Variants in CWC22 observed in about 807,000 individuals in gnomAD.
The protein encoded by CWC22 is pre-mRNA-splicing factor CWC22 homolog.
CWC22 carries 53 observed loss-of-function variants against 117.2 expected under a neutral mutation model. That is an observed-to-expected ratio of 0.45 (90% CI 0.36 to 0.57). The LOEUF is 0.57. Ranked by LOEUF, CWC22 falls within the 20% of genes least tolerant of loss-of-function variation. The pLI, the probability that CWC22 is intolerant of heterozygous loss-of-function variation, is 0.00. For missense variants in CWC22, 980 were observed against 1,068.8 expected (o/e 0.92, Z 1.16); for synonymous variants, 360 against 355.6 (o/e 1.01, Z -0.14).
chr2:179,954,137 C>A, intron 16 of CWC22, 68 bp downstream of exon 16: 1 of 1,224,228 alleles, frequency 8.2e-7, no homozygotes. Context: ...ATATGGCTAG[C>A]TTATACGAAA....
Position 179,981,799 on chromosome 2 carries a change from G to C in CWC22, c.405C>G (p.Pro135=). ...LLTRTGGAYI[P]PAKLRMMQEQ... Reference sequence around the variant, plus strand: ...CCTGCATCATCCTGAGCTTTGCAGGGGGAATATATGCTCCACCAGTGCGAG... The same window carrying C: ...CCTGCATCATCCTGAGCTTTGCAGGCGGAATATATGCTCCACCAGTGCGAG... The change falls in exon 5 of 20, where the codon CCC becomes CCG. Residue 135 remains proline, a synonymous_variant. Coordinates refer to ENST00000410053, the MANE Select transcript of CWC22 (RefSeq NM_020943.3). The C allele has an allele frequency of 1.9e-6, 3 of 1,613,846 alleles. No homozygotes were observed. Among genetic ancestry groups the C allele is most frequent in the Non-Finnish European group, 2.5e-6 (3 of 1,179,856 alleles).
chr2:179,991,841 T>C (rs1045647744), intron 2 of CWC22, among the ~76,000 whole-genome samples: 2 of 152,046 alleles, frequency 1.3e-5, no homozygotes, highest in Non-Finnish European at 2.9e-5. Flanking sequence ...TTGAGAACAA[T>C]ATACAAGGGT....
At position 179,945,266 on chromosome 2, in the gene CWC22, A is replaced by G; in HGVS notation, c.2590T>C (p.Ser864Pro). Residue 864 changes from serine to proline, a missense_variant, in exon 20 of 20, where the codon TCA becomes CCA. By Grantham distance (74) the Ser-to-Pro change is moderately conservative (BLOSUM62 -1). This residue lies in a region of CWC22 where 306 missense variants were observed against 296.8 expected (regional missense o/e 1.03). Coordinates refer to ENST00000410053, the MANE Select transcript of CWC22 (RefSeq NM_020943.3). ...TGATATCTATCTTCATCACTTCTTGAGCCTGAGTGCTTTCTATTCATTTCC... is the reference window on the plus strand; with the variant it reads ...TGATATCTATCTTCATCACTTCTTGGGCCTGAGTGCTTTCTATTCATTTCC... ...SKEMNRKHSG[S>P]RSDEDRYQNG... The G allele has an allele frequency of 1.9e-6, 3 of 1,613,586 alleles. No homozygotes were observed. Among genetic ancestry groups the G allele is most frequent in the South Asian group, 1.1e-5 (1 of 91,058 alleles).
Position 179,975,030 on chromosome 2 carries a change from A to G in CWC22, c.582-1228T>C, listed in dbSNP as rs1575649231. Among the ~76,000 whole-genome samples, 10 of 152,304 alleles carry G rather than the reference A, an allele frequency of 6.6e-5. 1 individual carries two copies. In the South Asian group the frequency reaches 2.1e-3, roughly 32 times the overall value. The stretch of plus-strand genomic sequence containing the variant: ...TGCTAGGATTACAGGCTAGGATTAC[A>G]GCGACCGTGCCTGGCCACTACATTC... On this transcript the variant is annotated intron_variant, in intron 6 of 19. Coordinates refer to ENST00000410053, the MANE Select transcript of CWC22 (RefSeq NM_020943.3).
chr2:179,992,477 T>A (rs1328491532), intron 2 of CWC22, among the ~76,000 whole-genome samples: 1 of 152,168 alleles, frequency 6.6e-6, no homozygotes, highest in African/African-American at 2.4e-5. Context: ...AATGGCTATC[T>A]TTTCAATGGG....
intron 11 of CWC22, among the ~76,000 whole-genome samples, chr2:179,968,788 G>A (rs139809714): frequency 0.018 from 2,774 of 151,758 alleles, 94 homozygotes; most frequent in African/African-American, 0.063. Flanking sequence ...GACTAGTCTC[G>A]AACTCCTGAC....
chr2:179,998,295 A>G (rs1232955359), intron 1 of CWC22, among the ~76,000 whole-genome samples: 1 of 152,176 alleles, frequency 6.6e-6, no homozygotes, highest in African/African-American at 2.4e-5. Context: ...TTAATTCTTA[A>G]TAATTCATAG....
At chr2:179,954,415 A>T in intron 15 of CWC22, 58 bp from the exon 16 acceptor site, 1 of 1,066,046 alleles carries the variant, frequency 9.4e-7, no homozygotes, top group Non-Finnish European at 1.3e-6. Context: ...TTATGAGCAT[A>T]TTAAATCCTA....
At chr2:179,975,963 A>G (rs1387722931) in intron 6 of CWC22, among the ~76,000 whole-genome samples, 1 of 152,224 alleles carries the variant, frequency 6.6e-6, no homozygotes, top group East Asian at 1.9e-4. Flanking sequence ...TCTTGAACAA[A>G]AAGAACAAAG....
In CWC22 at chr2:179,973,256, A is replaced by G. The variant is rs187951443; in HGVS notation, c.751-10T>C. 50 of 1,589,092 alleles carry G rather than the reference A, an allele frequency of 3.1e-5. No individual in the cohort carries two copies. In the African/African-American group the frequency reaches 5.9e-4, roughly 19 times the overall value. On this transcript the variant is annotated splice_polypyrimidine_tract_variant and intron_variant, in intron 7 of 19. Transcript: ENST00000410053. ...CAGTCAGGCAAAGTTGCTGAAAAAT[A>G]AAGGTGGAAAGTTAACCTATAAACT...
intron 11 of CWC22, among the ~76,000 whole-genome samples, chr2:179,967,002 T>C (rs1686907898): frequency 6.6e-6 from 1 of 152,194 alleles, no homozygotes; most frequent in South Asian, 2.1e-4. Context: ...TCAAGAATAT[T>C]TCAAACAAAT....
At position 179,954,310 on chromosome 2, in the gene CWC22, T is replaced by C. The variant is rs1238981744; in HGVS notation, c.1584A>G (p.Ile528Met). Residue 528 changes from isoleucine (I) to methionine (M), a missense_variant, in exon 16 of 20, where the codon ATA becomes ATG. This residue lies in a region of CWC22 where 115 missense variants were observed against 169.8 expected (regional missense o/e 0.68). Transcript: ENST00000410053. ...GGATGGTATCATACTGTTCTTTGAATATACCTTCAAAGGATTCCATGTACT... is the reference window on the plus strand; with the variant it reads ...GGATGGTATCATACTGTTCTTTGAACATACCTTCAAAGGATTCCATGTACT... ...KKEYMESFEG[I>M]FKEQYDTIHR... The C allele has an allele frequency of 4.4e-6, 7 of 1,604,192 alleles. No homozygotes were observed. The highest frequency in any genetic ancestry group is 1.3e-5 in the African/African-American group (1 of 74,824).
In CWC22 at chr2:179,970,689, G is replaced by A. The variant is rs778056490; in HGVS notation, c.1108C>T (p.Leu370Phe). ...VEEDDQFTHM[L>F]PLEDDYNPED... ...GGATTATAGTCATCCTCCAGAGGGAGCATATGAGTGAATTGATCATCTTCT... is the reference window on the plus strand; with the variant it reads ...GGATTATAGTCATCCTCCAGAGGGAACATATGAGTGAATTGATCATCTTCT... Residue 370 changes from leucine to phenylalanine, a missense_variant, in exon 10 of 20, where the codon CTC becomes TTC. Transcript: ENST00000410053. 1 of 1,613,618 alleles carries A rather than the reference G, an allele frequency of 6.2e-7. No homozygotes were observed. The highest frequency in any genetic ancestry group is 8.5e-7 in the Non-Finnish European group (1 of 1,179,712).
intron 6 of CWC22, among the ~76,000 whole-genome samples, chr2:179,975,908 T>G (rs1034369879): frequency 3.3e-5 from 5 of 152,076 alleles, no homozygotes; most frequent in African/African-American, 1.2e-4. Flanking sequence ...AAAACAATCC[T>G]AAAACTCACA....
chr2:179,979,212 A>G (rs1559293073), intron 5 of CWC22, among the ~76,000 whole-genome samples: 1 of 152,184 alleles, frequency 6.6e-6, no homozygotes, highest in Non-Finnish European at 1.5e-5. Context: ...TAATCATACT[A>G]AAATTCAGTT....
chr2:179,979,228 A>C (rs1043619917), intron 5 of CWC22, among the ~76,000 whole-genome samples: 2 of 152,126 alleles, frequency 1.3e-5, no homozygotes, highest in African/African-American at 4.8e-5. Flanking sequence ...CAGTTTTTGA[A>C]ACATGAGAAG....
At chr2:179,999,975 A>T (rs1339128666) in intron 1 of CWC22, among the ~76,000 whole-genome samples, 1 of 152,206 alleles carries the variant, frequency 6.6e-6, no homozygotes, top group Non-Finnish European at 1.5e-5. Context: ...AACAACAGCC[A>T]AGCCCCCAAG....
At chr2:179,965,435 A>C (rs1686864813) in intron 12 of CWC22, among the ~76,000 whole-genome samples, 1 of 152,204 alleles carries the variant, frequency 6.6e-6, no homozygotes, top group Non-Finnish European at 1.5e-5. Context: ...TTCTGTGTAA[A>C]TATAGCTTTT....
At chr2:179,946,838 T>C (rs981495267) in intron 19 of CWC22, among the ~76,000 whole-genome samples, 2 of 152,274 alleles carry the variant, frequency 1.3e-5, no homozygotes, top group South Asian at 2.1e-4. Flanking sequence ...TCTGTTACTA[T>C]CAGAGAGGCA....
Sources: gnomAD v4.1 joint callset for allele counts (sites outside exome capture counted in the v4.1 genomes callset) on GRCh38, gnomAD v4.1.1 for gene constraint, gnomAD v4.1.1 regional missense constraint, MANE v1.5 for transcripts, NCBI Gene and HGNC (gene_info 2026-07-23, HGNC 2026-07-21) for gene names.